Variants in UBASH3A observed in about 807,000 individuals in gnomAD.
The protein encoded by UBASH3A is ubiquitin associated and SH3 domain containing A.
UBASH3A carries 63 observed loss-of-function variants against 73.5 expected under a neutral mutation model. The observed-to-expected ratio is 0.86, with a 90% CI of 0.70 to 1.06. The LOEUF (loss-of-function observed/expected upper bound fraction) is 1.06, where lower values mean the gene tolerates loss of function less well. Ranked by LOEUF, UBASH3A falls within the 50% of genes least tolerant of loss-of-function variation. The pLI, the probability that UBASH3A is intolerant of heterozygous loss-of-function variation, is 0.00. For missense variants in UBASH3A, 860 were observed against 859.0 expected, an observed-to-expected ratio of 1.00 and a Z score of -0.02; for synonymous variants, 363 against 351.1, an observed-to-expected ratio of 1.03 and a Z score of -0.38.
At chr21:42,430,667 C>T (rs998487721) in intron 8 of UBASH3A, among the ~76,000 whole-genome samples, 2 of 152,190 alleles carry the variant, frequency 1.3e-5, no homozygotes, top group Admixed American at 1.3e-4. Flanking sequence ...CGTGTTCGCT[C>T]TGCCCCCACC....
Position 42,413,629 on chromosome 21 carries a change from C to A in UBASH3A, c.667+106C>A. 1.2e-6 allele frequency: 1 copy of A among 837,618 alleles called. No homozygotes were observed. Among genetic ancestry groups the A allele is most frequent in the Non-Finnish European group, 1.8e-6 (1 of 542,364 alleles). The allele number at this position is 837,618 out of a possible 1,614,324, so 51.9% of individuals were successfully genotyped here. A position where few individuals can be genotyped will look rare whatever the true frequency, so the allele number is the denominator to read the frequency against. On this transcript the variant is annotated intron_variant, in intron 5 of 14. Transcript: ENST00000319294. The surrounding 1 kb of genome is among the most constrained non-coding windows in gnomAD (Gnocchi z 4.5). ...AAAATGCTTAGCTATATGCCAACAG[C>A]CTGGGAAAGTGCCCCAGAAGGGTGT...
At chr21:42,425,079 C>T (rs150692718) in intron 7 of UBASH3A, among the ~76,000 whole-genome samples, 4 of 152,142 alleles carry the variant, frequency 2.6e-5, no homozygotes, top group Non-Finnish European at 5.9e-5. Context: ...TATGGCCGCC[C>T]CAGGAAATGA....
chr21:42,444,228 AC>A (rs889557203), intron 13 of UBASH3A, among the ~76,000 whole-genome samples: 2 of 152,216 alleles, frequency 1.3e-5, no homozygotes, highest in African/African-American at 4.8e-5. Flanking sequence ...GGCGTCAGCC[AC>A]CGCTACATCC....
At chr21:42,422,056 C>G (rs1422756034) in intron 7 of UBASH3A, among the ~76,000 whole-genome samples, 2 of 152,108 alleles carry the variant, frequency 1.3e-5, no homozygotes, top group Non-Finnish European at 2.9e-5. Flanking sequence ...TATAACAAGC[C>G]AGGGACAGTA....
intron 13 of UBASH3A, 47 bp from the exon 14 acceptor site, chr21:42,444,487 T>C (rs1157243993): frequency 7.0e-7 from 1 of 1,429,906 alleles, no homozygotes. Context: ...TAATAAAAGG[T>C]GCTCTCTGGG....
At chr21:42,416,207 G>C (rs899913637) in intron 5 of UBASH3A, among the ~76,000 whole-genome samples, 3 of 152,066 alleles carry the variant, frequency 2.0e-5, no homozygotes, top group Non-Finnish European at 4.4e-5. Context: ...CAGCTAGCCT[G>C]CAAACCGATA....
chr21:42,434,402 T>A (rs2053590401), intron 9 of UBASH3A, among the ~76,000 whole-genome samples: 1 of 152,174 alleles, frequency 6.6e-6, no homozygotes, highest in Non-Finnish European at 1.5e-5. Context: ...CACAGGCATC[T>A]CCAGCTCAAG....
At chr21:42,443,477 A>AGATG in intron 13 of UBASH3A, 59 bp downstream of exon 13, 8 of 1,445,998 alleles carry the variant, frequency 5.5e-6, no homozygotes, top group Non-Finnish European at 7.4e-6. Flanking sequence ...ATTATCTCTG[A>AGATG]GATGGAAATT....
intron 5 of UBASH3A, 87 bp from the exon 6 acceptor site, chr21:42,416,355 G>T (rs1024719006): frequency 4.6e-5 from 64 of 1,396,916 alleles, no homozygotes; most frequent in Non-Finnish European, 5.9e-5. Context: ...GAGAGCCCTT[G>T]CCTTGTGGAG....
chr21:42,411,362 G>C (rs2053091247), intron 3 of UBASH3A, among the ~76,000 whole-genome samples: 1 of 150,852 alleles, frequency 6.6e-6, no homozygotes, highest in Admixed American at 6.6e-5. Context: ...GACACACACA[G>C]AGACACACAT....
chr21:42,426,636 G>C (rs1451600337), intron 7 of UBASH3A, 61 bp from the exon 8 acceptor site: 1 of 1,591,554 alleles, frequency 6.3e-7, no homozygotes, highest in African/African-American at 1.3e-5. Flanking sequence ...CCAGATGCTG[G>C]GTCTCCATGG....
chr21:42,411,532 C>G (rs1309318775), intron 3 of UBASH3A, among the ~76,000 whole-genome samples: 2 of 152,156 alleles, frequency 1.3e-5, no homozygotes, highest in Middle Eastern at 3.4e-3. Context: ...CGCAGACACA[C>G]AGACACACAT....
chr21:42,439,680 C>T (rs2053694536), intron 11 of UBASH3A, among the ~76,000 whole-genome samples: 2 of 145,828 alleles, frequency 1.4e-5, no homozygotes, highest in Non-Finnish European at 3.0e-5. Flanking sequence ...ACACCACACG[C>T]CACACACACA....
At chr21:42,438,211 C>T (rs1178914341) in intron 11 of UBASH3A, among the ~76,000 whole-genome samples, 3 of 152,066 alleles carry the variant, frequency 2.0e-5, no homozygotes, top group Admixed American at 6.5e-5. Flanking sequence ...GGGTGACATG[C>T]GAGAGAGCAT....
intron 11 of UBASH3A, among the ~76,000 whole-genome samples, chr21:42,440,842 T>C (rs1212728740): frequency 1.3e-5 from 2 of 152,250 alleles, no homozygotes; most frequent in Non-Finnish European, 2.9e-5. Flanking sequence ...GCCTTTGTAA[T>C]AAAAGAATAC....
rs531000804 is a variant in UBASH3A, at chr21:42,445,771, C to T, written c.1848+1128C>T. 8.5e-5 allele frequency among the ~76,000 whole-genome samples: 13 copies of T among 152,282 alleles called. No individual in the cohort carries two copies. The South Asian group carries it at 2.7e-3, about 32-fold the overall frequency. ...AAAATGTCTCCAGGGTGGTGTGTCC[C>T]AATTATGATCCAGACATTTCCGAGC... On this transcript the variant is annotated intron_variant, in intron 14 of 14. Coordinates refer to ENST00000319294, the MANE Select transcript of UBASH3A (RefSeq NM_018961.4).
intron 11 of UBASH3A, among the ~76,000 whole-genome samples, chr21:42,440,290 G>A (rs1601602407): frequency 6.6e-6 from 1 of 152,372 alleles, no homozygotes; most frequent in South Asian, 2.1e-4. Flanking sequence ...ATGTGAAGGG[G>A]CAGGGTCTCC....
chr21:42,406,746 G>T (rs1328070843), intron 2 of UBASH3A, among the ~76,000 whole-genome samples: 1 of 114,898 alleles, frequency 8.7e-6, no homozygotes, highest in South Asian at 2.6e-4. Flanking sequence ...GGTTAAAAAT[G>T]GTAACATTTG....
intron 8 of UBASH3A, among the ~76,000 whole-genome samples, chr21:42,431,190 G>C (rs1056730090): frequency 2.0e-5 from 3 of 152,164 alleles, no homozygotes; most frequent in Non-Finnish European, 4.4e-5. Flanking sequence ...AACTTGATCA[G>C]CCCTGCACAG....
Sources: gnomAD v4.1 joint callset for allele counts (sites outside exome capture counted in the v4.1 genomes callset) on GRCh38, gnomAD v4.1.1 for gene constraint, Gnocchi (gnomAD v3.1) non-coding constraint, MANE v1.5 for transcripts, NCBI Gene and HGNC (gene_info 2026-07-23, HGNC 2026-07-21) for gene names.